The following ZNF443 variants were observed in gnomAD, a reference collection of about 807,000 sequenced individuals.
ZNF443 encodes the protein zinc finger protein 443, also known as Kruppel-type zinc finger (C2H2).
In ZNF443, 3 loss-of-function variants were observed where a neutral mutation model predicts 12.0. That is an observed-to-expected ratio of 0.25 (90% CI 0.11 to 0.64). The LOEUF is 0.64. Ranked by LOEUF, ZNF443 falls within the 30% of genes least tolerant of loss-of-function variation. ZNF443 has a pLI of 0.84. For synonymous variants in ZNF443, 225 were observed against 265.9 expected (o/e 0.85, Z 1.50); for missense variants, 770 against 808.8 (o/e 0.95, Z 0.58).
At position 12,430,498 on chromosome 19, in the gene ZNF443, C is replaced by G. The variant is rs767371410; in HGVS notation, c.1674G>C (p.Lys558Asn). 15 of 1,614,106 alleles carry G rather than the reference C, an allele frequency of 9.3e-6. No homozygotes were observed. Among genetic ancestry groups the G allele is most frequent in the Middle Eastern group, 3.3e-4 (2 of 6,062 alleles). The change falls in exon 4 of 4, where the codon AAG (lysine) becomes AAC (asparagine). Residue 558 changes from lysine to asparagine, a missense_variant. Lys to Asn is a moderately conservative substitution (Grantham distance 94). Transcript: ENST00000301547. ...TCCCACATTCCTTACATTCATACGG[C>G]TTCTCTCCAGAGTGAATTCTTTCAT... The part of the protein sequence containing the change: ...KVHERIHSGE[K>N]PYECKECGKA...
intron 1 of ZNF443, among the ~76,000 whole-genome samples, chr19:12,438,315 C>G (rs1243635715): frequency 6.6e-6 from 1 of 152,166 alleles, no homozygotes; most frequent in East Asian, 1.9e-4. Flanking sequence ...TATAGCTCAA[C>G]AGGAAAAGCC....
rs1970359495 is a variant in ZNF443, at chr19:12,440,968, G to C, written c.-54C>G. ...TACCGACAGCTCCCGCTGCCAATGCGTGTTCCAGCCAGACAAAGGCTGCCT... is the reference window on the plus strand; with the variant it reads ...TACCGACAGCTCCCGCTGCCAATGCCTGTTCCAGCCAGACAAAGGCTGCCT... On this transcript the variant is annotated 5_prime_UTR_variant, in exon 1 of 4. Transcript: ENST00000301547. 2.5e-6 allele frequency: 4 copies of C among 1,613,768 alleles called. No individual in the cohort carries two copies. The Admixed American group carries it at 5.0e-5, about 20-fold the overall frequency.
rs747609666 is a variant in ZNF443, at chr19:12,431,263, G to A, written c.909C>T (p.His303=). The A allele has an allele frequency of 1.2e-6, 2 of 1,614,026 alleles. No homozygotes were observed. The highest frequency in any genetic ancestry group is 8.5e-7 in the Non-Finnish European group (1 of 1,180,006). The part of the protein sequence containing the change: ...SSSCLIHERT[H]TGEKPYTCKQ... The stretch of plus-strand genomic sequence containing the variant: ...TACATGTATAGGGTTTCTCTCCAGT[G>A]TGAGTTCTTTCATGTATTAGACAAG... Residue 303 remains histidine (H), a synonymous_variant, in exon 4 of 4, where the codon CAC becomes CAT. Transcript: ENST00000301547.
At chr19:12,434,680 C>T (rs772617176) in intron 1 of ZNF443, among the ~76,000 whole-genome samples, 41 of 151,762 alleles carry the variant, frequency 2.7e-4, no homozygotes, top group Non-Finnish European at 4.0e-4. Context: ...ATTTGGCTCC[C>T]CATACTATTA....
At chr19:12,439,632 G>A (rs1305662720) in intron 1 of ZNF443, among the ~76,000 whole-genome samples, 2 of 152,000 alleles carry the variant, frequency 1.3e-5, no homozygotes, top group African/African-American at 4.8e-5. Context: ...GACTACAGGT[G>A]CCAGCTACCA....
In ZNF443 at chr19:12,430,151, G is replaced by A; in HGVS notation, c.*5C>T. On this transcript the variant is annotated 3_prime_UTR_variant, in exon 4 of 4. Coordinates refer to ENST00000301547, the MANE Select transcript of ZNF443 (RefSeq NM_005815.5). ...TTCCCACATTCCATACATTTAGAGA[G>A]AATGCTAGTGAGTCTTTTTATGTCT... 1.2e-6 allele frequency: 2 copies of A among 1,611,402 alleles called. No individual in the cohort carries two copies. Among genetic ancestry groups the A allele is most frequent in the Non-Finnish European group, 1.7e-6 (2 of 1,179,004 alleles).
At chr19:12,440,246 C>CACAGA (rs1970351318) in intron 1 of ZNF443, among the ~76,000 whole-genome samples, 9 of 76,818 alleles carry the variant, frequency 1.2e-4, no homozygotes, top group South Asian at 3.8e-4. Flanking sequence ...CCCGCTGCCT[C>CACAGA]AAGGGGCCGC....
At chr19:12,437,223 C>T (rs1186022637) in intron 1 of ZNF443, among the ~76,000 whole-genome samples, 2 of 149,970 alleles carry the variant, frequency 1.3e-5, no homozygotes, top group African/African-American at 2.5e-5. Flanking sequence ...ACTGTCTCTA[C>T]GAAACGTGTA....
chr19:12,437,385 G>A (rs1258860211), intron 1 of ZNF443, among the ~76,000 whole-genome samples: 2 of 148,440 alleles, frequency 1.3e-5, no homozygotes, highest in African/African-American at 5.0e-5. Flanking sequence ...TCTAGCCTAG[G>A]TGATAGAGCA....
chr19:12,440,670 C>T (rs1415297785), intron 1 of ZNF443, among the ~76,000 whole-genome samples: 1 of 152,216 alleles, frequency 6.6e-6, no homozygotes, highest in Non-Finnish European at 1.5e-5. Flanking sequence ...GGGCTGCGGG[C>T]TCGGAGCTGC....
intron 1 of ZNF443, among the ~76,000 whole-genome samples, chr19:12,440,682 C>G (rs972041756): frequency 2.0e-5 from 3 of 152,206 alleles, no homozygotes; most frequent in African/African-American, 7.2e-5. Flanking sequence ...CGGAGCTGCC[C>G]AGAGAGGGCG....
Position 12,439,113 on chromosome 19 carries a change from C to T in ZNF443, c.3+1799G>A, listed in dbSNP as rs149221284. Among the ~76,000 whole-genome samples the T allele has an allele frequency of 5.8e-3, 882 of 152,284 alleles. 9 individuals carry two copies. Among genetic ancestry groups the T allele is most frequent in the African/African-American group, 0.02 (842 of 41,556 alleles). Reference sequence around the variant, plus strand: ...ACACTCACCACCCTCCTAGGAGACACTGCCTTGTGTGCTTTTCAGGATCTT... The same window carrying T: ...ACACTCACCACCCTCCTAGGAGACATTGCCTTGTGTGCTTTTCAGGATCTT... On this transcript the variant is annotated intron_variant, in intron 1 of 3. Coordinates refer to ENST00000301547, the MANE Select transcript of ZNF443 (RefSeq NM_005815.5).
In ZNF443 at chr19:12,430,621, T is replaced by A. The variant is rs1970239671; in HGVS notation, c.1551A>T (p.Arg517Ser). 1 of 1,612,046 alleles carries A rather than the reference T, an allele frequency of 6.2e-7. No homozygotes were observed. The highest frequency in any genetic ancestry group is 8.5e-7 in the Non-Finnish European group (1 of 1,179,330). ...GAGTCCTTTTATGTCGAGAAAGGTA[T>A]CTGAAACGACTGAATGCTTTCCCAC... is the stretch of plus-strand genomic sequence containing the variant. Reference protein sequence around the residue: ...KECGKAFSRFRYLSRHKRTHT... With the variant: ...KECGKAFSRFSYLSRHKRTHT... The change falls in exon 4 of 4, where the codon AGA (arginine) becomes AGT (serine). Residue 517 changes from arginine to serine, a missense_variant. Transcript: ENST00000301547.
Position 12,430,412 on chromosome 19 carries a change from G to A in ZNF443, c.1760C>T (p.Ser587Phe). 1 of 1,573,484 alleles carries A rather than the reference G, an allele frequency of 6.4e-7. No individual in the cohort carries two copies. Among genetic ancestry groups the A allele is most frequent in the Non-Finnish European group, 8.6e-7 (1 of 1,159,098 alleles). The change falls in exon 4 of 4, where the codon TCC becomes TTC. Residue 587 changes from serine (S) to phenylalanine (F), a missense_variant. Coordinates refer to ENST00000301547, the MANE Select transcript of ZNF443 (RefSeq NM_005815.5). ...TTTACCACATTGTGGACATTCATAG[G>A]ATTTCTCTCTCATGTGAATTCTTTC... Reference protein sequence around the residue: ...RHERIHMREKSYECPQCGKAF... With the variant: ...RHERIHMREKFYECPQCGKAF...
At chr19:12,434,051 T>C (rs2432257) in intron 1 of ZNF443, among the ~76,000 whole-genome samples, 13 of 152,254 alleles carry the variant, frequency 8.5e-5, no homozygotes, top group African/African-American at 3.1e-4. Flanking sequence ...AGAGTCCCCA[T>C]CAGCAAGAAG....
At position 12,430,730 on chromosome 19, in the gene ZNF443, A is replaced by C. The variant is rs35055629; in HGVS notation, c.1442T>G (p.Leu481Arg). The C allele has an allele frequency of 0.27, 399,504 of 1,490,640 alleles. 52,082 individuals are homozygous for C. Among genetic ancestry groups the C allele is most frequent in the South Asian group, 0.42 (33,316 of 80,186 alleles). 92.3% of individuals were successfully genotyped at this position (1,490,640 alleles called of 1,614,324 possible). A position where few individuals can be genotyped will look rare whatever the true frequency, so the allele number is the denominator to read the frequency against. ...ACAGAAATCAATACAGGCTTTCCCA[A>C]GTTTGCATTTATAGGGTTTCTCTCC... Reference protein sequence around the residue: ...HTGEKPYKCKLGKACIDFCSF... With the variant: ...HTGEKPYKCKRGKACIDFCSF... The change falls in exon 4 of 4, where the codon CTT (leucine) becomes CGT (arginine). Residue 481 changes from leucine (L) to arginine (R), a missense_variant. Coordinates refer to ENST00000301547, the MANE Select transcript of ZNF443 (RefSeq NM_005815.5).
rs150394327 is a variant in ZNF443, at chr19:12,430,679, T to G, written c.1493A>C (p.His498Pro). The change falls in exon 4 of 4, where the codon CAC becomes CCC. Residue 498 changes from histidine (H) to proline (P), a missense_variant. By Grantham distance (77) the His-to-Pro change is moderately conservative. Around this residue, in one of 3 missense-constraint regions of ZNF443, gnomAD observed 736 missense variants for 689.4 expected, o/e 1.07. Coordinates refer to ENST00000301547, the MANE Select transcript of ZNF443 (RefSeq NM_005815.5). The part of the protein sequence containing the change: ...FCSFQNHKTT[H>P]TGEKPYECKE... ...ACACTCATATGGCTTCTCTCCAGTGTGAGTTGTTTTGTGATTTTGAAAGGA... is the reference window on the plus strand; with the variant it reads ...ACACTCATATGGCTTCTCTCCAGTGGGAGTTGTTTTGTGATTTTGAAAGGA... 87 of 1,613,470 alleles carry G rather than the reference T, an allele frequency of 5.4e-5. No homozygotes were observed. The highest frequency in any genetic ancestry group is 4.9e-4 in the Middle Eastern group (3 of 6,076).
chr19:12,437,393 G>A (rs1411954211), intron 1 of ZNF443, among the ~76,000 whole-genome samples: 2 of 140,798 alleles, frequency 1.4e-5, no homozygotes, highest in East Asian at 4.2e-4. Flanking sequence ...AGGTGATAGA[G>A]CAAGAACCTG....
At chr19:12,440,761 C>T in intron 1 of ZNF443, 151 bp downstream of exon 1, 4 of 1,331,614 alleles carry the variant, frequency 3.0e-6, no homozygotes, top group Non-Finnish European at 4.2e-6. Flanking sequence ...CCCAGCCCCA[C>T]CCTGCGGCCG....
Sources: gnomAD v4.1 joint callset for allele counts (sites outside exome capture counted in the v4.1 genomes callset) on GRCh38, gnomAD v4.1.1 for gene constraint, gnomAD v4.1.1 regional missense constraint, MANE v1.5 for transcripts, NCBI Gene and HGNC (gene_info 2026-07-23, HGNC 2026-07-21) for gene names.